PHYHIPL: variants seen among roughly 807,000 people sequenced by gnomAD.
The protein encoded by PHYHIPL is phytanoyl-CoA 2-hydroxylase interacting protein like.
Under a neutral mutation model 33.4 loss-of-function variants are expected in PHYHIPL, and 9 were observed. The ratio of observed to expected loss-of-function variants is 0.27; its 90% CI spans 0.16 to 0.47. The LOEUF is 0.47. Among genes scored for constraint, PHYHIPL ranks in the 20% least tolerant of loss-of-function variants. The pLI, the probability that PHYHIPL is intolerant of heterozygous loss-of-function variation, is 0.99. For synonymous variants in PHYHIPL, 153 were observed against 154.1 expected (o/e 0.99, Z 0.05); for missense variants, 365 against 460.7 (o/e 0.79, Z 1.90).
At chr10:59,226,255 A>G (rs952568561) in intron 1 of PHYHIPL, among the ~76,000 whole-genome samples, 10 of 152,222 alleles carry the variant, frequency 6.6e-5, no homozygotes, top group African/African-American at 1.9e-4. Flanking sequence ...AGAAACACTT[A>G]GAATTTTTCT....
rs1259720199 is a variant in PHYHIPL at position 59,245,138 on chromosome 10, A to C, written c.678A>C (p.Glu226Asp). 6.2e-7 allele frequency: 1 copy of C among 1,614,132 alleles called. No homozygotes were observed. The highest frequency in any genetic ancestry group is 1.1e-5 in the South Asian group (1 of 91,086). Residue 226 changes from glutamate (E) to aspartate (D), a missense_variant, in exon 5 of 5, where the codon GAA (glutamate) becomes GAC (aspartate). Transcript: ENST00000373880. ...SHGSPISGKLEGIFFSCSTEF... is the reference protein window; with the variant it reads ...SHGSPISGKLDGIFFSCSTEF... ...GCTCTCCTATCAGTGGAAAATTAGAAGGCATCTTCTTCAGCTGCAGCACTG... is the reference window on the plus strand; with the variant it reads ...GCTCTCCTATCAGTGGAAAATTAGACGGCATCTTCTTCAGCTGCAGCACTG...
chr10:59,247,434 C>T lies in PHYHIPL; in HGVS notation c.*1843C>T. On this transcript the variant is annotated 3_prime_UTR_variant, in exon 5 of 5. Transcript: ENST00000373880. The stretch of plus-strand genomic sequence containing the variant: ...TATGGCTACCTGTTGTATTCTTCCC[C>T]CCGTTTAAATCCCTTCTCCTTGTAT... 2.9e-6 allele frequency: 2 copies of T among 680,240 alleles called. No individual in the cohort carries two copies. The highest frequency in any genetic ancestry group is 2.4e-6 in the Non-Finnish European group (1 of 414,034). 42.1% of individuals were successfully genotyped at this position (680,240 alleles called of 1,614,324 possible). A position where few individuals can be genotyped will look rare whatever the true frequency, so the allele number is the denominator to read the frequency against.
intron 1 of PHYHIPL, among the ~76,000 whole-genome samples, chr10:59,222,716 TG>T (rs367773171): frequency 0.055 from 3,130 of 57,154 alleles, 125 homozygotes; most frequent in African/African-American, 0.17. Flanking sequence ...GTCAGAAAAG[TG>T]GGGGGGGTTT....
At chr10:59,199,084 G>A (rs1230984209) in intron 1 of PHYHIPL, among the ~76,000 whole-genome samples, 2 of 152,036 alleles carry the variant, frequency 1.3e-5, no homozygotes, top group Non-Finnish European at 2.9e-5. Flanking sequence ...GTCAATTTTG[G>A]CTTTTATTGC....
chr10:59,194,929 G>T (rs1162061243), intron 1 of PHYHIPL, among the ~76,000 whole-genome samples: 4 of 152,048 alleles, frequency 2.6e-5, no homozygotes, highest in Non-Finnish European at 5.9e-5. Flanking sequence ...AAAGCTTGTT[G>T]CCCAGCATTT....
intron 1 of PHYHIPL, among the ~76,000 whole-genome samples, chr10:59,182,950 T>C (rs1838450681): frequency 6.6e-6 from 1 of 152,210 alleles, no homozygotes. Flanking sequence ...TTAAACATCC[T>C]GATGACATTA....
chr10:59,176,091 C>T (rs931632359), upstream of PHYHIPL, among the ~76,000 whole-genome samples: 10 of 152,222 alleles, frequency 6.6e-5, no homozygotes, highest in Non-Finnish European at 1.3e-4. Context: ...CCGCTCATTT[C>T]TCACACAGAC....
At chr10:59,219,195 A>G in intron 1 of PHYHIPL, 6 of 874,896 alleles carry the variant, frequency 6.9e-6, no homozygotes, top group Non-Finnish European at 8.2e-6. Context: ...TGTCCTGCAT[A>G]TATTCATAAA....
upstream of PHYHIPL, among the ~76,000 whole-genome samples, chr10:59,176,019 C>T (rs12360259): frequency 5.1e-3 from 775 of 152,326 alleles, 1 homozygote; most frequent in Non-Finnish European, 8.6e-3. Flanking sequence ...CCACGTTTGC[C>T]CCGCTTCAGT....
At chr10:59,200,155 C>T (rs990020277) in intron 1 of PHYHIPL, among the ~76,000 whole-genome samples, 1 of 152,098 alleles carries the variant, frequency 6.6e-6, no homozygotes, top group African/African-American at 2.4e-5. Context: ...GGGAATGCTT[C>T]CAGTTTTTGT....
At chr10:59,182,996 A>T (rs1376708204) in intron 1 of PHYHIPL, among the ~76,000 whole-genome samples, 2 of 152,214 alleles carry the variant, frequency 1.3e-5, no homozygotes, top group Non-Finnish European at 2.9e-5. Flanking sequence ...GCTGGTGAAT[A>T]TCCAAATATG....
intron 1 of PHYHIPL, among the ~76,000 whole-genome samples, chr10:59,207,991 G>C (rs1316199593): frequency 6.6e-6 from 1 of 152,012 alleles, no homozygotes; most frequent in Admixed American, 6.6e-5. Flanking sequence ...GGCTGTCGGC[G>C]CAGCTTTGAT....
chr10:59,206,793 G>C, intron 1 of PHYHIPL: 1 of 1,235,576 alleles, frequency 8.1e-7, no homozygotes, highest in South Asian at 1.4e-5. Context: ...ACAAGAAAAG[G>C]ATAAAAGCAC....
At chr10:59,228,303 CAA>C (rs1839984820) in intron 1 of PHYHIPL, among the ~76,000 whole-genome samples, 1 of 152,000 alleles carries the variant, frequency 6.6e-6, no homozygotes, top group Non-Finnish European at 1.5e-5. Context: ...GGTTACAAAA[CAA>C]TATGTAAATG....
chr10:59,238,831 G>A, intron 4 of PHYHIPL, 126 bp downstream of exon 4: 1 of 566,892 alleles, frequency 1.8e-6, no homozygotes, highest in Non-Finnish European at 3.1e-6. Context: ...TAACGATATG[G>A]AATTTTATTT....
At chr10:59,243,782 G>T (rs1297130760) in intron 4 of PHYHIPL, among the ~76,000 whole-genome samples, 1 of 152,086 alleles carries the variant, frequency 6.6e-6, no homozygotes. Flanking sequence ...AAAAAAGAAG[G>T]CAGCACACTT....
chr10:59,241,700 A>G (rs1840402208), intron 4 of PHYHIPL, among the ~76,000 whole-genome samples: 1 of 152,158 alleles, frequency 6.6e-6, no homozygotes, highest in Admixed American at 6.6e-5. Flanking sequence ...GATTTTGTTA[A>G]TGAGAATGTA....
At chr10:59,205,572 A>G (rs1839262072) in intron 1 of PHYHIPL, among the ~76,000 whole-genome samples, 1 of 152,222 alleles carries the variant, frequency 6.6e-6, no homozygotes, top group Non-Finnish European at 1.5e-5. Flanking sequence ...AAAGAATGAT[A>G]TAACATGCTA....
intron 1 of PHYHIPL, among the ~76,000 whole-genome samples, chr10:59,205,318 T>TGGG (rs1839255858): frequency 1.3e-5 from 2 of 152,176 alleles, no homozygotes; most frequent in Admixed American, 1.3e-4. Flanking sequence ...TGATTATGTG[T>TGGG]GGGTTGGCCA....
Sources: allele counts gnomAD v4.1 joint callset (sites outside exome capture counted in the v4.1 genomes callset), GRCh38; gene constraint gnomAD v4.1.1; transcripts MANE v1.5; gene names NCBI Gene and HGNC (gene_info 2026-07-23, HGNC 2026-07-21).